Variants in SLC39A11 observed in about 807,000 individuals in gnomAD.
SLC39A11 encodes zinc transporter ZIP11.
Under a neutral mutation model 36.1 loss-of-function variants are expected in SLC39A11, and 33 were observed. The ratio of observed to expected loss-of-function variants is 0.91; its 90% CI spans 0.69 to 1.22. The LOEUF is 1.22. Among genes scored for constraint, SLC39A11 ranks in the 50% most tolerant of loss-of-function variants. The probability of loss-of-function intolerance (pLI) is 0.00; values close to 1 mark genes in which losing one functional copy is unlikely to be tolerated. For missense variants in SLC39A11, 432 were observed against 430.3 expected, an observed-to-expected ratio of 1.00 and a Z score of -0.03; for synonymous variants, 166 against 170.3, an observed-to-expected ratio of 0.97 and a Z score of 0.20.
intron 5 of SLC39A11, among the ~76,000 whole-genome samples, chr17:72,881,687 T>G (rs2081201800): frequency 6.6e-6 from 1 of 152,246 alleles, no homozygotes; most frequent in Non-Finnish European, 1.5e-5. Flanking sequence ...ACAAAATCTG[T>G]TCTTGATTTG....
chr17:72,647,685 A>C, intron 9 of SLC39A11, 23 bp from the exon 10 acceptor site: 1 of 1,606,886 alleles, frequency 6.2e-7, no homozygotes, highest in Non-Finnish European at 8.5e-7. Context: ...GACAGGAAGA[A>C]AAGTAAGACC....
intron 5 of SLC39A11, among the ~76,000 whole-genome samples, chr17:72,875,512 A>G (rs2080856210): frequency 6.6e-6 from 1 of 152,152 alleles, no homozygotes; most frequent in African/African-American, 2.4e-5. Flanking sequence ...TGGAAAAGCT[A>G]TTCAAACCCA....
chr17:72,931,353 C>T (rs2084383274), intron 5 of SLC39A11, among the ~76,000 whole-genome samples: 1 of 152,298 alleles, frequency 6.6e-6, no homozygotes, highest in Admixed American at 6.5e-5. Context: ...TTGCAGAAAG[C>T]GTAGGCTGTG....
intron 5 of SLC39A11, among the ~76,000 whole-genome samples, chr17:72,944,883 G>A (rs2085334417): frequency 6.6e-6 from 1 of 152,228 alleles, no homozygotes; most frequent in African/African-American, 2.4e-5. Context: ...TGGGTCAGGT[G>A]TGATTATAGA....
chr17:72,972,536 T>TA (rs2087534545), intron 4 of SLC39A11, among the ~76,000 whole-genome samples: 1 of 152,254 alleles, frequency 6.6e-6, no homozygotes, highest in African/African-American at 2.4e-5. Flanking sequence ...GCCATTGAGC[T>TA]AATCAATATC....
At chr17:72,979,678 G>T (rs1273437744) in intron 4 of SLC39A11, among the ~76,000 whole-genome samples, 1 of 152,134 alleles carries the variant, frequency 6.6e-6, no homozygotes, top group African/African-American at 2.4e-5. Flanking sequence ...TGAGCTGCAA[G>T]GAGGCTGCTC....
chr17:72,775,236 C>CT (rs1346827571), intron 6 of SLC39A11, among the ~76,000 whole-genome samples: 1 of 152,146 alleles, frequency 6.6e-6, no homozygotes, highest in Non-Finnish European at 1.5e-5. Context: ...TGAGGACCCC[C>CT]TTGCAGCCCA....
chr17:72,813,769 A>G (rs1033161206), intron 6 of SLC39A11, among the ~76,000 whole-genome samples: 1 of 152,232 alleles, frequency 6.6e-6, no homozygotes, highest in Admixed American at 6.5e-5. Flanking sequence ...GACTTCAAAT[A>G]TTACCCTCAA....
At chr17:72,848,775 T>C (rs2079165991) in intron 6 of SLC39A11, among the ~76,000 whole-genome samples, 2 of 150,014 alleles carry the variant, frequency 1.3e-5, no homozygotes, top group East Asian at 3.9e-4. Context: ...TAGGAAAGGA[T>C]TGGTAAGAAC....
intron 5 of SLC39A11, among the ~76,000 whole-genome samples, chr17:72,936,761 T>C (rs2084795060): frequency 1.1e-5 from 1 of 87,488 alleles, no homozygotes; most frequent in African/African-American, 4.7e-5. Flanking sequence ...GGGTAGGGGG[T>C]GGTTTCAGGA....
At chr17:72,962,136 G>C (rs1253226532) in intron 4 of SLC39A11, among the ~76,000 whole-genome samples, 1 of 152,154 alleles carries the variant, frequency 6.6e-6, no homozygotes, top group Non-Finnish European at 1.5e-5. Flanking sequence ...GTGGAGACTG[G>C]CATCTTCCCT....
intron 6 of SLC39A11, among the ~76,000 whole-genome samples, chr17:72,799,747 T>C (rs1311956697): frequency 2.0e-5 from 3 of 151,922 alleles, no homozygotes; most frequent in Non-Finnish European, 4.4e-5. Context: ...TTTTCTGTTG[T>C]TTAAGATGTT....
intron 3 of SLC39A11, among the ~76,000 whole-genome samples, chr17:73,080,090 C>A (rs949932081): frequency 2.6e-5 from 4 of 152,082 alleles, no homozygotes; most frequent in Admixed American, 2.6e-4. Context: ...CAACGCAATT[C>A]CCATCAAAAC....
At chr17:72,854,204 TCC>T (rs1303262554) in intron 5 of SLC39A11, among the ~76,000 whole-genome samples, 1 of 151,110 alleles carries the variant, frequency 6.6e-6, no homozygotes, top group East Asian at 2.0e-4. Flanking sequence ...GAGTAACTGG[TCC>T]CAGGTCACAC....
chr17:72,891,228 C>A (rs186635636), intron 5 of SLC39A11, among the ~76,000 whole-genome samples: 2 of 152,172 alleles, frequency 1.3e-5, no homozygotes, highest in Admixed American at 1.3e-4. Context: ...TCAAGACCAG[C>A]CTGATCAACA....
At chr17:72,652,406 A>C (rs2069893250) in intron 7 of SLC39A11, among the ~76,000 whole-genome samples, 1 of 152,062 alleles carries the variant, frequency 6.6e-6, no homozygotes, top group Non-Finnish European at 1.5e-5. Context: ...GCTACTTTCC[A>C]TTTCTCCAAC....
chr17:73,051,007 T>C (rs1353485693), intron 3 of SLC39A11, among the ~76,000 whole-genome samples: 1 of 152,196 alleles, frequency 6.6e-6, no homozygotes, highest in Non-Finnish European at 1.5e-5. Context: ...CTGGAGCTGC[T>C]ATAACAAAAG....
At chr17:72,806,623 C>T (rs1392372879) in intron 6 of SLC39A11, among the ~76,000 whole-genome samples, 1 of 152,100 alleles carries the variant, frequency 6.6e-6, no homozygotes, top group Non-Finnish European at 1.5e-5. Flanking sequence ...CTCTTTGTCG[C>T]CCAGACTGGA....
chr17:73,058,265 A>G (rs898168648), intron 3 of SLC39A11, among the ~76,000 whole-genome samples: 1 of 152,208 alleles, frequency 6.6e-6, no homozygotes, highest in African/African-American at 2.4e-5. Context: ...GGGGGCAATA[A>G]TGAGTAATCG....
Sources: allele counts gnomAD v4.1 joint callset (sites outside exome capture counted in the v4.1 genomes callset), GRCh38; gene constraint gnomAD v4.1.1; transcripts MANE v1.5; gene names NCBI Gene and HGNC (gene_info 2026-07-23, HGNC 2026-07-21).